The following HYDIN variants were observed in gnomAD, a reference collection of about 807,000 sequenced individuals.
HYDIN encodes the protein axonemal central pair apparatus protein HYDIN.
A neutral mutation model predicts 403.9 loss-of-function variants in HYDIN; 132 were observed. The observed-to-expected ratio is 0.33, with a 90% confidence interval of 0.28 to 0.38. HYDIN has a LOEUF of 0.38. HYDIN is among the 10% of genes least tolerant of loss of function. The pLI is 1.00. For missense variants in HYDIN, 2,827 were observed against 5,009.5 expected (o/e 0.56, Z 13.15); for synonymous variants, 1,202 against 1,891.7 (o/e 0.64, Z 9.46).
In HYDIN at chr16:70,902,811, ATATATATATAT is replaced by A. The variant is rs1200348940; in HGVS notation, c.8849+803_8849+813del. 1.2e-3 allele frequency among the ~76,000 whole-genome samples: 39 copies of A among 33,402 alleles called. 1 individual carries two copies. Among genetic ancestry groups the A allele is most frequent in the East Asian group, 5.4e-3 (11 of 2,030 alleles). The allele number at this position is 33,402 out of a possible 152,430, so 21.9% of individuals were successfully genotyped here. Reference sequence around the variant, plus strand: ...ACTCTTTAAATATATATATATATATATATATATATATTTTTTTTTTTTTTTTTGTCCCACTC... The same window carrying A: ...ACTCTTTAAATATATATATATATATATTTTTTTTTTTTTTTTGTCCCACTC... On this transcript the variant is annotated intron_variant, in intron 52 of 85. Coordinates refer to ENST00000393567, the MANE Select transcript of HYDIN (RefSeq NM_001270974.2).
chr16:71,038,447 T>C (rs552244733), intron 18 of HYDIN, among the ~76,000 whole-genome samples: 59 of 151,950 alleles, frequency 3.9e-4, no homozygotes, highest in African/African-American at 1.2e-3. Flanking sequence ...ACTAGGAAGC[T>C]TGAAGAAAAT....
At chr16:70,836,089 T>C (rs111812796) in intron 77 of HYDIN, among the ~76,000 whole-genome samples, 3,921 of 152,124 alleles carry the variant, frequency 0.026, 152 homozygotes, top group African/African-American at 0.088. Context: ...TGAGAGCATA[T>C]TACATGGGGC....
At chr16:70,992,912 C>A (rs546756310) in intron 23 of HYDIN, among the ~76,000 whole-genome samples, 1 of 152,210 alleles carries the variant, frequency 6.6e-6, no homozygotes, top group Non-Finnish European at 1.5e-5. Flanking sequence ...TGTGGGGTCA[C>A]CCCCATTCTT....
chr16:71,189,979 GAA>G (rs2087348539), intron 1 of HYDIN, among the ~76,000 whole-genome samples: 1 of 151,912 alleles, frequency 6.6e-6, no homozygotes, highest in South Asian at 2.1e-4. Context: ...TATAAACGAA[GAA>G]AAGTTTTTAT....
At chr16:71,101,677 T>C (rs2083459638) in intron 10 of HYDIN, among the ~76,000 whole-genome samples, 1 of 152,168 alleles carries the variant, frequency 6.6e-6, no homozygotes, top group South Asian at 2.1e-4. Flanking sequence ...AGCAAAATTT[T>C]AAAAGTTGAT....
At position 71,136,657 on chromosome 16, in the gene HYDIN, C is replaced by T. The variant is rs201452689; in HGVS notation, c.1043+494G>A. Among the ~76,000 whole-genome samples, 2,140 of 144,990 alleles carry T rather than the reference C, an allele frequency of 0.015. 113 individuals carry two copies. The East Asian group carries it at 0.16, about 11-fold the overall frequency. ...TGGTGGGTGCCTGTAATCCTAGCTA[C>T]TCAGGAGGCTGAGGCAGGAGAATTG... is the stretch of plus-strand genomic sequence containing the variant. On this transcript the variant is annotated intron_variant, in intron 8 of 85. Coordinates refer to ENST00000393567, the MANE Select transcript of HYDIN (RefSeq NM_001270974.2).
intron 73 of HYDIN, among the ~76,000 whole-genome samples, chr16:70,851,094 G>A (rs1469297280): frequency 4.1e-5 from 6 of 146,674 alleles, no homozygotes; most frequent in South Asian, 2.3e-4. Context: ...AGAAGAAAAC[G>A]TAGAAAACAC....
chr16:70,888,663 G>C (rs907477912), intron 58 of HYDIN, among the ~76,000 whole-genome samples: 3 of 152,068 alleles, frequency 2.0e-5, no homozygotes, highest in East Asian at 1.9e-4. Flanking sequence ...AACAGCACAG[G>C]AGGTGGTGGG....
Position 70,941,751 on chromosome 16 carries a change from G to A in HYDIN, c.6738C>T (p.Ala2246=), listed in dbSNP as rs539362652. ...TGGCCTTCAGCAGGCAGAGGAGGGC[G>A]GCTGCAGCATTCTGAGCAAAGAGAG... ...LDTLFAQNAA[A]ALLCLLKAIG... The change falls in exon 43 of 86, where the codon GCC becomes GCT. Residue 2246 remains alanine (A), a synonymous_variant. Coordinates refer to ENST00000393567, the MANE Select transcript of HYDIN (RefSeq NM_001270974.2). The A allele has an allele frequency of 1.2e-5, 19 of 1,593,432 alleles. No individual in the cohort carries two copies. The highest frequency in any genetic ancestry group is 2.3e-5 in the East Asian group (1 of 43,378).
At chr16:70,996,109 G>C (rs1032994903) in intron 23 of HYDIN, among the ~76,000 whole-genome samples, 4 of 151,366 alleles carry the variant, frequency 2.6e-5, no homozygotes, top group African/African-American at 9.7e-5. Flanking sequence ...GACAAACTGT[G>C]ATGTAATTTA....
At chr16:71,208,133 A>G (rs2088395883) in intron 1 of HYDIN, among the ~76,000 whole-genome samples, 1 of 152,336 alleles carries the variant, frequency 6.6e-6, no homozygotes, top group Admixed American at 6.5e-5. Flanking sequence ...TCATCACCAC[A>G]TGGTACATAT....
intron 83 of HYDIN, among the ~76,000 whole-genome samples, chr16:70,819,965 G>A (rs1457363562): frequency 6.8e-6 from 1 of 146,684 alleles, no homozygotes; most frequent in Non-Finnish European, 1.5e-5. Context: ...CCGCCATCAC[G>A]CCTGGCTAAT....
rs756524075 is a variant in HYDIN at position 71,062,282 on chromosome 16, C to A, written c.2263G>T (p.Val755Phe). 5.7e-6 allele frequency: 9 copies of A among 1,568,428 alleles called. No homozygotes were observed. The highest frequency in any genetic ancestry group is 5.5e-5 in the Admixed American group (3 of 54,160). The part of the protein sequence containing the change: ...VLFSSPTPSG[V>F]ISPSSTIHIP... ...TGGATGGTGCTGCTTGGGGAGATGA[C>A]CCCGCTGGGGGTGGGGCTGGAAAAC... The change falls in exon 17 of 86, where the codon GTC becomes TTC. Residue 755 changes from valine (V) to phenylalanine (F), a missense_variant. Transcript: ENST00000393567.
intron 5 of HYDIN, 49 bp downstream of exon 5, chr16:71,175,558 T>C (rs762766833): frequency 1.5e-5 from 24 of 1,577,634 alleles, no homozygotes; most frequent in Non-Finnish European, 1.8e-5. Context: ...AGAATTGAAC[T>C]GCAATCTGCC....
chr16:70,905,775 T>C (rs574908491), intron 50 of HYDIN, among the ~76,000 whole-genome samples: 8 of 152,176 alleles, frequency 5.3e-5, no homozygotes, highest in African/African-American at 1.9e-4. Context: ...TTAATTCCAA[T>C]GCTGCCCCAA....
chr16:70,901,028 G>A lies in HYDIN; in HGVS notation c.9024C>T (p.Asn3008=). ...CCTCCAACCGAATAGCCTTCTTGAT[G>A]TTGACAGGCTTGGTGGGCTGAAAGT... is the stretch of plus-strand genomic sequence containing the variant. ...HLYFQPTKPV[N]IKKAIRLEVL... Residue 3008 remains asparagine (N), a synonymous_variant, in exon 53 of 86, where the codon AAC becomes AAT. Coordinates refer to ENST00000393567, the MANE Select transcript of HYDIN (RefSeq NM_001270974.2). The A allele has an allele frequency of 1.6e-6, 1 of 616,712 alleles. No individual in the cohort carries two copies. The highest frequency in any genetic ancestry group is 1.9e-5 in the South Asian group (1 of 52,634). The allele number at this position is 616,712 out of a possible 1,614,324, so 38.2% of individuals were successfully genotyped here. A position where few individuals can be genotyped will look rare whatever the true frequency, so the allele number is the denominator to read the frequency against.
intron 42 of HYDIN, among the ~76,000 whole-genome samples, chr16:70,943,281 T>A (rs1014019779): frequency 6.6e-6 from 1 of 152,222 alleles, no homozygotes; most frequent in African/African-American, 2.4e-5. Context: ...AAGCAATATG[T>A]CATTGTAAAA....
intron 10 of HYDIN, among the ~76,000 whole-genome samples, chr16:71,110,299 TA>T (rs1383276110): frequency 1.4e-5 from 2 of 144,112 alleles, no homozygotes; most frequent in Non-Finnish European, 3.0e-5. Context: ...ATATAATAAA[TA>T]TAATAAATAT....
At chr16:70,853,898 T>C (rs1205230053) in intron 73 of HYDIN, among the ~76,000 whole-genome samples, 3 of 146,972 alleles carry the variant, frequency 2.0e-5, no homozygotes, top group African/African-American at 8.0e-5. Context: ...CTTTCTTTTT[T>C]TTTTTTTTTT....
Sources: gnomAD v4.1 joint callset for allele counts (sites outside exome capture counted in the v4.1 genomes callset) on GRCh38, gnomAD v4.1.1 for gene constraint, MANE v1.5 for transcripts, NCBI Gene and HGNC (gene_info 2026-07-23, HGNC 2026-07-21) for gene names.